Variants in PDCL2 observed in about 807,000 individuals in gnomAD.
The protein encoded by PDCL2 is phosducin like 2.
In PDCL2, 23 loss-of-function variants were observed where a neutral mutation model predicts 30.3. The ratio of observed to expected loss-of-function variants is 0.76; its 90% CI spans 0.55 to 1.08. The LOEUF (loss-of-function observed/expected upper bound fraction) is 1.08. Among genes scored for constraint, PDCL2 ranks in the 50% least tolerant of loss-of-function variants. The probability of loss-of-function intolerance (pLI) is 0.00; values close to 1 mark genes in which losing one functional copy is unlikely to be tolerated. For missense variants in PDCL2, 243 were observed against 282.3 expected (o/e 0.86, Z 1.00); for synonymous variants, 68 against 86.2 (o/e 0.79, Z 1.17).
intron 1 of PDCL2, among the ~76,000 whole-genome samples, chr4:55,584,028 A>G (rs548340421): frequency 9.2e-5 from 14 of 152,248 alleles, no homozygotes; most frequent in African/African-American, 3.4e-4. Flanking sequence ...AATTTTTCCA[A>G]TCCATGAACA....
chr4:55,584,836 T>C lies in PDCL2; in HGVS notation c.7-2599A>G, dbSNP rs188277403. ...CGAAAAAAACCTTTCAACTTTACCA[T>C]TGAATATCATCTGTAGGCTTGTTGT... On this transcript the variant is annotated intron_variant, in intron 1 of 5. Transcript: ENST00000295645. Among the ~76,000 whole-genome samples, 730 of 152,362 alleles carry C rather than the reference T, an allele frequency of 4.8e-3. 3 individuals are homozygous for C. The highest frequency in any genetic ancestry group is 0.021 in the South Asian group (103 of 4,832).
In PDCL2 at chr4:55,592,186, T is replaced by A; in HGVS notation, c.-77A>T. The A allele has an allele frequency of 6.3e-7, 1 of 1,578,936 alleles. No individual in the cohort carries two copies. The highest frequency in any genetic ancestry group is 8.6e-7 in the Non-Finnish European group (1 of 1,162,408). On this transcript the variant is annotated 5_prime_UTR_variant, in exon 1 of 6. Transcript: ENST00000295645. ...CGCCACGGATGGAGACCCGCAGCCT[T>A]CTCCAGGCTGGAAGAGCGCCCGCTT...
intron 4 of PDCL2, among the ~76,000 whole-genome samples, chr4:55,568,618 A>G (rs1429760662): frequency 1.3e-5 from 2 of 152,222 alleles, no homozygotes; most frequent in Non-Finnish European, 2.9e-5. Context: ...ATGTAGAAGA[A>G]CGTTCTTGAA....
intron 4 of PDCL2, among the ~76,000 whole-genome samples, chr4:55,563,701 T>C (rs954779741): frequency 6.6e-6 from 1 of 152,208 alleles, no homozygotes; most frequent in Non-Finnish European, 1.5e-5. Context: ...GAAGCTTATA[T>C]GCCATCTTGA....
chr4:55,556,712 CT>C lies in PDCL2; in HGVS notation c.572-2del, dbSNP rs1577901241. The C allele has an allele frequency of 6.5e-7, 1 of 1,539,326 alleles. No individual in the cohort carries two copies. Among genetic ancestry groups the C allele is most frequent in the African/African-American group, 1.4e-5 (1 of 72,688 alleles). ...ACTTCTGCTAGCTTCCATTCAAGTT[CT>C]GTAATAAATAACCCATCATTCAGTT... On this transcript the variant is annotated splice_acceptor_variant, in intron 5 of 5. Transcript: ENST00000295645. LOFTEE classifies it high-confidence loss of function.
At chr4:55,579,580 G>A (rs1732654279) in intron 3 of PDCL2, among the ~76,000 whole-genome samples, 2 of 152,330 alleles carry the variant, frequency 1.3e-5, no homozygotes, top group Admixed American at 1.3e-4. Flanking sequence ...GCCTTCCAAA[G>A]TGCTGGAATT....
chr4:55,582,259 G>T lies in PDCL2; in HGVS notation c.7-22C>A, dbSNP rs768032744. 1.1e-5 allele frequency: 18 copies of T among 1,572,828 alleles called. No homozygotes were observed. The Middle Eastern group carries it at 1.7e-3, about 147-fold the overall frequency. Reference sequence around the variant, plus strand: ...GATCCTACACAAAAAGAAAAGAAAAGAAAATTAACATGGTTGTACACTTTA... The same window carrying T: ...GATCCTACACAAAAAGAAAAGAAAATAAAATTAACATGGTTGTACACTTTA... On this transcript the variant is annotated intron_variant, in intron 1 of 5. Coordinates refer to ENST00000295645, the MANE Select transcript of PDCL2 (RefSeq NM_152401.3).
intron 4 of PDCL2, among the ~76,000 whole-genome samples, chr4:55,565,978 T>G (rs1222875433): frequency 1.5e-5 from 2 of 129,060 alleles, no homozygotes; most frequent in African/African-American, 6.3e-5. Flanking sequence ...TTTCTGTTTT[T>G]TTTTTTTTTT....
At chr4:55,569,963 C>T in intron 3 of PDCL2, 102 bp from the exon 4 acceptor site, 1 of 761,420 alleles carries the variant, frequency 1.3e-6, no homozygotes, top group Non-Finnish European at 1.9e-6. Flanking sequence ...AATGCCTATC[C>T]ATATCAAACA....
intron 3 of PDCL2, among the ~76,000 whole-genome samples, chr4:55,577,050 A>G (rs2412658): frequency 0.76 from 114,749 of 151,934 alleles, 43,720 homozygotes; most frequent in East Asian, 0.9. Context: ...GGTACAGGCC[A>G]CTACACCCAA....
chr4:55,562,399 A>G lies in PDCL2; in HGVS notation c.571+5T>C. 2 of 1,388,842 alleles carry G rather than the reference A, an allele frequency of 1.4e-6. No homozygotes were observed. Among genetic ancestry groups the G allele is most frequent in the Non-Finnish European group, 1.9e-6 (2 of 1,061,732 alleles). 86.0% of individuals were successfully genotyped at this position (1,388,842 alleles called of 1,614,324 possible). A position where few individuals can be genotyped will look rare whatever the true frequency, so the allele number is the denominator to read the frequency against. On this transcript the variant is annotated splice_donor_5th_base_variant and intron_variant, in intron 5 of 5. Coordinates refer to ENST00000295645, the MANE Select transcript of PDCL2 (RefSeq NM_152401.3). ...CATTTTTATAAACAAAATTTGTAAC[A>G]TTACCTTCCAGCTTGAGATTTATCC...
intron 1 of PDCL2, among the ~76,000 whole-genome samples, chr4:55,588,865 C>CTT (rs34529316): frequency 0.044 from 6,343 of 145,322 alleles, 443 homozygotes; most frequent in African/African-American, 0.15. Context: ...TTTATAAGTA[C>CTT]TTTTTTTTTT....
intron 3 of PDCL2, among the ~76,000 whole-genome samples, chr4:55,570,412 A>G (rs992018704): frequency 6.6e-6 from 1 of 152,224 alleles, no homozygotes; most frequent in African/African-American, 2.4e-5. Context: ...TATTATAGAC[A>G]GAGAGGTAGT....
intron 2 of PDCL2, among the ~76,000 whole-genome samples, 168 bp downstream of exon 2, chr4:55,581,949 C>T (rs867094829): frequency 1.3e-5 from 2 of 152,124 alleles, no homozygotes; most frequent in Non-Finnish European, 2.9e-5. Context: ...CCTCGTGATC[C>T]GCTGGCCTCA....
At chr4:55,580,360 CT>C (rs958444873) in intron 3 of PDCL2, among the ~76,000 whole-genome samples, 1 of 152,130 alleles carries the variant, frequency 6.6e-6, no homozygotes, top group Non-Finnish European at 1.5e-5. Flanking sequence ...GTAAAAAGTA[CT>C]TTAGAAATTA....
chr4:55,564,055 T>C (rs1732201145), intron 4 of PDCL2, among the ~76,000 whole-genome samples: 1 of 152,250 alleles, frequency 6.6e-6, no homozygotes, highest in South Asian at 2.1e-4. Flanking sequence ...TCAGTTTTGC[T>C]GGCTCTCTGA....
At chr4:55,563,010 C>A (rs1732175048) in intron 4 of PDCL2, among the ~76,000 whole-genome samples, 1 of 152,082 alleles carries the variant, frequency 6.6e-6, no homozygotes, top group South Asian at 2.1e-4. Flanking sequence ...GAGCTTCTTT[C>A]CATGTAATGA....
Position 55,556,545 on chromosome 4 carries a change from G to A in PDCL2, c.*12C>T, listed in dbSNP as rs574635411. The A allele has an allele frequency of 3.3e-6, 5 of 1,509,546 alleles. No homozygotes were observed. In the Middle Eastern group the frequency reaches 6.6e-4, roughly 199 times the overall value. 93.5% of individuals were successfully genotyped at this position (1,509,546 alleles called of 1,614,324 possible). A position where few individuals can be genotyped will look rare whatever the true frequency, so the allele number is the denominator to read the frequency against. On this transcript the variant is annotated 3_prime_UTR_variant, in exon 6 of 6. Coordinates refer to ENST00000295645, the MANE Select transcript of PDCL2 (RefSeq NM_152401.3). ...ACACATATACTAAAAGCTATTTATT[G>A]AATATTTCTCTCTATTTGGTATCAT...
chr4:55,575,927 T>G (rs1732558395), intron 3 of PDCL2, among the ~76,000 whole-genome samples: 1 of 151,926 alleles, frequency 6.6e-6, no homozygotes, highest in African/African-American at 2.4e-5. Context: ...CTAAAAAATA[T>G]GTGAAAGGAG....
Sources: gnomAD v4.1 joint callset for allele counts (sites outside exome capture counted in the v4.1 genomes callset) on GRCh38, gnomAD v4.1.1 for gene constraint, MANE v1.5 for transcripts, NCBI Gene and HGNC (gene_info 2026-07-23, HGNC 2026-07-21) for gene names.